The following SNPH variants were observed in gnomAD, a reference collection of about 807,000 sequenced individuals.
SNPH encodes the protein syntaphilin.
Under a neutral mutation model 36.8 loss-of-function variants are expected in SNPH, and 10 were observed. The ratio of observed to expected loss-of-function variants is 0.27; its 90% CI spans 0.17 to 0.46. SNPH has a LOEUF of 0.46. Among genes scored for constraint, SNPH ranks in the 20% least tolerant of loss-of-function variants. The pLI is 1.00. For missense variants in SNPH, 622 were observed against 744.0 expected (o/e 0.84, Z 1.91); for synonymous variants, 281 against 312.2 (o/e 0.90, Z 1.05).
intron 6 of SNPH, among the ~76,000 whole-genome samples, chr20:1,301,316 T>G (rs888253846): frequency 1.3e-5 from 2 of 152,028 alleles, no homozygotes; most frequent in Non-Finnish European, 2.9e-5. Flanking sequence ...CCCTCCCAGC[T>G]TCTACCCTCC....
intron 2 of SNPH, among the ~76,000 whole-genome samples, chr20:1,286,179 G>A (rs914681398): frequency 2.0e-5 from 3 of 151,594 alleles, no homozygotes; most frequent in African/African-American, 7.3e-5. Context: ...ATTTTAGAAT[G>A]CTTCACTTTG....
intron 2 of SNPH, among the ~76,000 whole-genome samples, chr20:1,277,517 CTGTGTGTCTGTCTGTGCA>C: frequency 7.2e-6 from 1 of 138,390 alleles, no homozygotes; most frequent in Middle Eastern, 4.4e-3. Flanking sequence ...GTGTGTGTGC[CTGTGTGTCTGTCTGTGCA>C]TGTGTGTCTG....
At chr20:1,302,785 G>T (rs1325230017) in intron 6 of SNPH, among the ~76,000 whole-genome samples, 1 of 152,250 alleles carries the variant, frequency 6.6e-6, no homozygotes, top group African/African-American at 2.4e-5. Flanking sequence ...ATCCGGTTTG[G>T]ATTTGTTGTG....
rs1469883582 is a variant in SNPH at position 1,295,972 on chromosome 20, G to C, written c.-268G>C. 3 of 445,728 alleles carry C rather than the reference G, an allele frequency of 6.7e-6. No individual in the cohort carries two copies. Among genetic ancestry groups the C allele is most frequent in the East Asian group, 3.8e-5 (1 of 26,052 alleles). The allele number at this position is 445,728 out of a possible 1,614,324, so 27.6% of individuals were successfully genotyped here. Reference sequence around the variant, plus strand: ...GGAAGAAGCAGGCCTGGCTCGTAGAGTAGAAGACTCGGTGCCGGCAGTCAG... The same window carrying C: ...GGAAGAAGCAGGCCTGGCTCGTAGACTAGAAGACTCGGTGCCGGCAGTCAG... On this transcript the variant is annotated 5_prime_UTR_variant, in exon 4 of 7. Coordinates refer to ENST00000381867, the MANE Select transcript of SNPH (RefSeq NM_001318234.2).
chr20:1,268,871 T>G (rs2088039771), intron 2 of SNPH, among the ~76,000 whole-genome samples: 1 of 152,218 alleles, frequency 6.6e-6, no homozygotes, highest in Non-Finnish European at 1.5e-5. Context: ...TTACAGCTAC[T>G]GTTATTATTG....
intron 5 of SNPH, among the ~76,000 whole-genome samples, chr20:1,297,674 C>A (rs1199775799): frequency 3.3e-5 from 5 of 152,214 alleles, no homozygotes; most frequent in Non-Finnish European, 5.9e-5. Context: ...GACCAAAGCC[C>A]TTCTCAGAGA....
chr20:1,303,784 G>A (rs1440713053), intron 6 of SNPH, among the ~76,000 whole-genome samples: 1 of 152,194 alleles, frequency 6.6e-6, no homozygotes, highest in East Asian at 1.9e-4. Context: ...ATTCTGCTGG[G>A]CTGATGAACC....
intron 2 of SNPH, among the ~76,000 whole-genome samples, chr20:1,281,629 G>A (rs928583111): frequency 3.3e-5 from 5 of 152,210 alleles, no homozygotes; most frequent in Non-Finnish European, 5.9e-5. Context: ...TCCACAGGCA[G>A]CTCCTGGGTA....
chr20:1,274,746 G>C (rs1259459941), intron 2 of SNPH, among the ~76,000 whole-genome samples: 1 of 152,292 alleles, frequency 6.6e-6, no homozygotes, highest in Non-Finnish European at 1.5e-5. Flanking sequence ...TAGGCCATCG[G>C]TCTGGTGCCC....
chr20:1,298,852 A>ATT (rs34011198), intron 5 of SNPH, among the ~76,000 whole-genome samples: 5 of 141,594 alleles, frequency 3.5e-5, no homozygotes, highest in African/African-American at 1.3e-4. Context: ...GTGTATACAT[A>ATT]TTTTTTTTTT....
chr20:1,296,306 A>G lies in SNPH; in HGVS notation c.67A>G (p.Thr23Ala), dbSNP rs1234082773. 6.3e-7 allele frequency: 1 copy of G among 1,582,332 alleles called. No individual in the cohort carries two copies. Among genetic ancestry groups the G allele is most frequent in the African/African-American group, 1.4e-5 (1 of 72,612 alleles). Reference protein sequence around the residue: ...PGPALSAGPPTRPLSSAPGIP... With the variant: ...PGPALSAGPPARPLSSAPGIP... ...CCCGGCCCTTTCTGCGGGCCCCCCAACCCGCCCTCTCTCCTCAGCCCCCGG... is the reference window on the plus strand; with the variant it reads ...CCCGGCCCTTTCTGCGGGCCCCCCAGCCCGCCCTCTCTCCTCAGCCCCCGG... Residue 23 changes from threonine (T) to alanine (A), a missense_variant, in exon 4 of 7, where the codon ACC becomes GCC. Coordinates refer to ENST00000381867, the MANE Select transcript of SNPH (RefSeq NM_001318234.2).
At chr20:1,295,039 C>T (rs1019215790) in intron 3 of SNPH, 61 bp downstream of exon 3, 1 of 152,722 alleles carries the variant, frequency 6.5e-6, no homozygotes, top group Non-Finnish European at 1.5e-5. Context: ...TGCTTCCCTC[C>T]AGCATGGGGA....
rs527444719 is a variant in SNPH, at chr20:1,300,614, A to C, written c.343A>C (p.Thr115Pro). 25 of 1,613,590 alleles carry C rather than the reference A, an allele frequency of 1.5e-5. No homozygotes were observed. In the South Asian group the frequency reaches 2.6e-4, roughly 17 times the overall value. The change falls in exon 6 of 7, where the codon ACC becomes CCC. Residue 115 changes from threonine to proline, a missense_variant. By Grantham distance (38) the Thr-to-Pro change is conservative (BLOSUM62 -1). This residue lies in a region of SNPH where 187 missense variants were observed against 209.4 expected (regional missense o/e 0.89). Coordinates refer to ENST00000381867, the MANE Select transcript of SNPH (RefSeq NM_001318234.2). ...TGACAACCATGGCATCAAGCCCCCG[A>C]CCCCGGAGCAGTACCTGACCCCCCT... ...CSDNHGIKPPTPEQYLTPLQQ... is the reference protein window; with the variant it reads ...CSDNHGIKPPPPEQYLTPLQQ...
chr20:1,269,164 G>C (rs1489964556), intron 2 of SNPH, among the ~76,000 whole-genome samples: 1 of 152,202 alleles, frequency 6.6e-6, no homozygotes, highest in African/African-American at 2.4e-5. Flanking sequence ...TTGAACCACT[G>C]CCTTATTATG....
intron 4 of SNPH, 50 bp downstream of exon 4, chr20:1,296,471 G>A (rs1221050312): frequency 6.6e-7 from 1 of 1,507,842 alleles, no homozygotes. Context: ...CGGGAGGAGG[G>A]CGCACGGGCC....
intron 2 of SNPH, among the ~76,000 whole-genome samples, chr20:1,281,307 T>C (rs1335708856): frequency 6.6e-6 from 1 of 152,218 alleles, no homozygotes; most frequent in African/African-American, 2.4e-5. Flanking sequence ...CCTGTCCTGG[T>C]GCTTCTCTTC....
rs1156334019 is a variant in SNPH, at chr20:1,309,113, C to T, written c.*3059C>T. 1 of 152,436 alleles carries T rather than the reference C, an allele frequency of 6.6e-6. No individual in the cohort carries two copies. The highest frequency in any genetic ancestry group is 1.5e-5 in the Non-Finnish European group (1 of 68,060). 9.4% of individuals were successfully genotyped at this position (152,436 alleles called of 1,614,324 possible). ...CCAAGGCCTACCCAGGGGCCTCTGC[C>T]CAGAGAACTCACAACCCCCTCTCTG... is the stretch of plus-strand genomic sequence containing the variant. On this transcript the variant is annotated 3_prime_UTR_variant, in exon 7 of 7. Coordinates refer to ENST00000381867, the MANE Select transcript of SNPH (RefSeq NM_001318234.2).
rs767334781 is a variant in SNPH at position 1,305,373 on chromosome 20, G to A, written c.936G>A (p.Val312=). The change falls in exon 7 of 7, where the codon GTG becomes GTA. Residue 312 remains valine, a synonymous_variant. Transcript: ENST00000381867. The part of the protein sequence containing the change: ...LEASSLLSSG[V]DCGTEETSLH... ...CCAGCAGCCTGCTGTCGTCGGGGGT[G>A]GACTGTGGCACCGAGGAGACCTCGC... The A allele has an allele frequency of 3.1e-6, 5 of 1,612,586 alleles. No homozygotes were observed. Among genetic ancestry groups the A allele is most frequent in the Non-Finnish European group, 4.2e-6 (5 of 1,180,000 alleles).
intron 2 of SNPH, among the ~76,000 whole-genome samples, chr20:1,283,167 C>T (rs1316930500): frequency 1.3e-5 from 2 of 152,172 alleles, no homozygotes; most frequent in Non-Finnish European, 1.5e-5. Flanking sequence ...CCCCTCAGCC[C>T]AAGTAGCCCA....
Sources: gnomAD v4.1 joint callset for allele counts (sites outside exome capture counted in the v4.1 genomes callset) on GRCh38, gnomAD v4.1.1 for gene constraint, gnomAD v4.1.1 regional missense constraint, MANE v1.5 for transcripts, NCBI Gene and HGNC (gene_info 2026-07-23, HGNC 2026-07-21) for gene names.